The following C15orf40 variants were observed in gnomAD, a reference collection of about 807,000 sequenced individuals.
C15orf40 encodes chromosome 15 open reading frame 40.
Under a neutral mutation model 13.9 loss-of-function variants are expected in C15orf40, and 9 were observed. That is an observed-to-expected ratio of 0.65 (90% CI 0.39 to 1.13). The LOEUF (loss-of-function observed/expected upper bound fraction) is 1.13, where lower values mean the gene tolerates loss of function less well. C15orf40 is among the 50% of genes most tolerant of loss of function. C15orf40 has a pLI of 0.01. For synonymous variants in C15orf40, 95 were observed against 69.2 expected, an observed-to-expected ratio of 1.37 and a Z score of -1.85; for missense variants, 225 against 188.5, an observed-to-expected ratio of 1.19 and a Z score of -1.13.
At chr15:83,008,819 C>T in intron 2 of C15orf40, 144 bp from the exon 3 acceptor site, 1 of 922,356 alleles carries the variant, frequency 1.1e-6, no homozygotes, top group Non-Finnish European at 1.6e-6. Context: ...AATGATTAAA[C>T]TAATCACATT....
rs750646072 is a variant in C15orf40 at position 83,011,586 on chromosome 15, G to A, written c.22C>T (p.Leu8=). ...TTGGGTGTTGCCCGAAGGTGCCTCA[G>A]CCCGCTGCGGAGCCGCAGCATCCCC... is the stretch of plus-strand genomic sequence containing the variant. The part of the protein sequence containing the change: MLRLRSG[L]RHLRATPNTR... Residue 8 remains leucine (L), a synonymous_variant, in exon 1 of 4, where the codon CTG becomes TTG. Transcript: ENST00000304177. The A allele has an allele frequency of 2.5e-6, 4 of 1,592,898 alleles. No homozygotes were observed. The highest frequency in any genetic ancestry group is 3.4e-6 in the Non-Finnish European group (4 of 1,173,760).
chr15:83,005,781 C>G, intron 3 of C15orf40, 89 bp from the exon 4 acceptor site: 3 of 1,451,728 alleles, frequency 2.1e-6, no homozygotes, highest in South Asian at 2.8e-5. Flanking sequence ...AATGGGCTCT[C>G]CTGATGGCTT....
Position 83,004,609 on chromosome 15 carries a change from T to C in C15orf40, c.*988A>G. 1 of 900,238 alleles carries C rather than the reference T, an allele frequency of 1.1e-6. No individual in the cohort carries two copies. Among genetic ancestry groups the C allele is most frequent in the African/African-American group, 1.8e-5 (1 of 55,442 alleles). 55.8% of individuals were successfully genotyped at this position (900,238 alleles called of 1,614,324 possible). A position where few individuals can be genotyped will look rare whatever the true frequency, so the allele number is the denominator to read the frequency against. ...CTACTGAATTTGCTGATTATTTAAG[T>C]TATTAGAGGAAGATGAAAATTCAGT... On this transcript the variant is annotated 3_prime_UTR_variant, in exon 4 of 4. Transcript: ENST00000304177.
chr15:83,005,236 A>G lies in C15orf40; in HGVS notation c.*361T>C. On this transcript the variant is annotated 3_prime_UTR_variant, in exon 4 of 4. Transcript: ENST00000304177. ...CATGTAGTATATTTTTCTATTTAAC[A>G]GCCTCTTCACCATTAGCAATAAAAA... is the stretch of plus-strand genomic sequence containing the variant. 1 of 1,016,568 alleles carries G rather than the reference A, an allele frequency of 9.8e-7. No individual in the cohort carries two copies. The highest frequency in any genetic ancestry group is 1.2e-6 in the Non-Finnish European group (1 of 847,806). The allele number at this position is 1,016,568 out of a possible 1,614,324, so 63.0% of individuals were successfully genotyped here.
intron 3 of C15orf40, 47 bp downstream of exon 3, chr15:83,008,500 CA>C: frequency 1.3e-6 from 2 of 1,591,626 alleles, no homozygotes; most frequent in South Asian, 1.1e-5. Context: ...GCTTGGGCGA[CA>C]GAGCAAGATT....
At position 83,011,604 on chromosome 15, in the gene C15orf40, G is replaced by C. The variant is rs1269362463; in HGVS notation, c.4C>G (p.Leu2Val). 1.3e-6 allele frequency: 2 copies of C among 1,580,756 alleles called. No homozygotes were observed. The highest frequency in any genetic ancestry group is 1.7e-6 in the Non-Finnish European group (2 of 1,167,572). MLRLRSGLRHLR... is the reference protein window; with the variant it reads MVRLRSGLRHLR... ...TGCCTCAGCCCGCTGCGGAGCCGCAGCATCCCCGCCTGGGAAGGCGCCGGA... is the reference window on the plus strand; with the variant it reads ...TGCCTCAGCCCGCTGCGGAGCCGCACCATCCCCGCCTGGGAAGGCGCCGGA... Residue 2 changes from leucine (L) to valine (V), a missense_variant, in exon 1 of 4, where the codon CTG (leucine) becomes GTG (valine). Transcript: ENST00000304177.
chr15:83,011,318 C>A (rs995551161), intron 1 of C15orf40, 179 bp downstream of exon 1: 1 of 618,864 alleles, frequency 1.6e-6, no homozygotes. Flanking sequence ...CCTACTGAGG[C>A]GGGGCGACGG....
rs1037403 is a variant in C15orf40, at chr15:82,995,439, C to G, written c.*10158G>C. ...GTGGATAATACCCCTCAGATTTAAA[C>G]ATTTGCAGGATGAAACAGGAGGAGC... is the stretch of plus-strand genomic sequence containing the variant. On this transcript the variant is annotated 3_prime_UTR_variant, in exon 4 of 4. Coordinates refer to ENST00000304177, the MANE Select transcript of C15orf40 (RefSeq NM_144597.3). 89,779 of 152,216 alleles carry G rather than the reference C, an allele frequency of 0.59. 27,671 individuals carry two copies. The highest frequency in any genetic ancestry group is 0.76 in the African/African-American group (31,705 of 41,500). The allele number at this position is 152,216 out of a possible 1,614,324, so 9.4% of individuals were successfully genotyped here. A position where few individuals can be genotyped will look rare whatever the true frequency, so the allele number is the denominator to read the frequency against.
rs938894648 is a variant in C15orf40, at chr15:82,997,123, T to G, written c.*8474A>C. The G allele has an allele frequency of 6.7e-6, 1 of 150,352 alleles. No homozygotes were observed. The highest frequency in any genetic ancestry group is 1.5e-5 in the Non-Finnish European group (1 of 67,642). The allele number at this position is 150,352 out of a possible 1,614,324, so 9.3% of individuals were successfully genotyped here. ...ACTGTTCTCTATCTTGCCTTCTAAATTTCATACCGTTTTCAGCCTCTTCTC... is the reference window on the plus strand; with the variant it reads ...ACTGTTCTCTATCTTGCCTTCTAAAGTTCATACCGTTTTCAGCCTCTTCTC... On this transcript the variant is annotated 3_prime_UTR_variant, in exon 4 of 4. Transcript: ENST00000304177.
At position 82,999,771 on chromosome 15, in the gene C15orf40, G is replaced by A. The variant is rs1464854519; in HGVS notation, c.*5826C>T. On this transcript the variant is annotated 3_prime_UTR_variant, in exon 4 of 4. Coordinates refer to ENST00000304177, the MANE Select transcript of C15orf40 (RefSeq NM_144597.3). Reference sequence around the variant, plus strand: ...ATTAGTTTTCTGTAGAAATGACCAGGGAGTACGTAACTTGTGGCTGCAAAG... The same window carrying A: ...ATTAGTTTTCTGTAGAAATGACCAGAGAGTACGTAACTTGTGGCTGCAAAG... 1 of 152,064 alleles carries A rather than the reference G, an allele frequency of 6.6e-6. No homozygotes were observed. Among genetic ancestry groups the A allele is most frequent in the African/African-American group, 2.4e-5 (1 of 41,396 alleles). 9.4% of individuals were successfully genotyped at this position (152,064 alleles called of 1,614,324 possible).
intron 1 of C15orf40, chr15:83,011,253 G>C: frequency 1.2e-5 from 5 of 432,430 alleles, no homozygotes; most frequent in Non-Finnish European, 1.6e-5. Flanking sequence ...CCCAAGGAGA[G>C]CTCGGCTGCC....
intron 3 of C15orf40, among the ~76,000 whole-genome samples, chr15:83,006,683 G>GGCGGGGC (rs1224140102): frequency 2.0e-5 from 3 of 152,122 alleles, no homozygotes; most frequent in African/African-American, 4.8e-5. Context: ...ACCGGGGAGG[G>GGCGGGGC]GCGGGGCGCG....
intron 3 of C15orf40, among the ~76,000 whole-genome samples, chr15:83,006,120 A>G (rs1236584238): frequency 6.6e-6 from 1 of 151,850 alleles, no homozygotes; most frequent in Non-Finnish European, 1.5e-5. Flanking sequence ...AATCCCAGCT[A>G]CTCAGGAGAC....
At chr15:83,010,518 C>A in intron 1 of C15orf40, 155 bp from the exon 2 acceptor site, 1 of 779,252 alleles carries the variant, frequency 1.3e-6, no homozygotes, top group African/African-American at 1.7e-5. Context: ...TTTCCCACAA[C>A]CTTCAAGGCT....
In C15orf40 at chr15:82,995,208, T is replaced by C. The variant is rs1344067418; in HGVS notation, c.*10389A>G. 1 of 152,256 alleles carries C rather than the reference T, an allele frequency of 6.6e-6. No homozygotes were observed. The highest frequency in any genetic ancestry group is 1.5e-5 in the Non-Finnish European group (1 of 68,126). 9.4% of individuals were successfully genotyped at this position (152,256 alleles called of 1,614,324 possible). ...TAGAGATCCCTTGACTTGTGCACAT[T>C]CTGGGAGAGAGAGTGGCCCTGGGCC... is the stretch of plus-strand genomic sequence containing the variant. On this transcript the variant is annotated 3_prime_UTR_variant, in exon 4 of 4. Transcript: ENST00000304177.
chr15:83,004,498 G>A lies in C15orf40; in HGVS notation c.*1099C>T. The A allele has an allele frequency of 1.3e-6, 1 of 781,624 alleles. No individual in the cohort carries two copies. Among genetic ancestry groups the A allele is most frequent in the Non-Finnish European group, 1.6e-6 (1 of 644,160 alleles). The allele number at this position is 781,624 out of a possible 1,614,324, so 48.4% of individuals were successfully genotyped here. ...TAGCTTTTGAAACTTTAATATAGAT[G>A]TAATTTCTGACAAGCTTTTACAAAT... On this transcript the variant is annotated 3_prime_UTR_variant, in exon 4 of 4. Transcript: ENST00000304177.
downstream of C15orf40, chr15:82,990,872 T>C (rs2151271686): frequency 4.1e-6 from 2 of 482,138 alleles, no homozygotes; most frequent in Middle Eastern, 8.5e-4. Flanking sequence ...TGGTATTTAA[T>C]GTGGGCTGAT....
rs1195874834 is a variant in C15orf40 at position 83,003,751 on chromosome 15, TTTTC to T, written c.*1842_*1845del. 2.0e-5 allele frequency: 3 copies of T among 152,162 alleles called. No homozygotes were observed. Among genetic ancestry groups the T allele is most frequent in the Non-Finnish European group, 4.4e-5 (3 of 68,050 alleles). The allele number at this position is 152,162 out of a possible 1,614,324, so 9.4% of individuals were successfully genotyped here. On this transcript the variant is annotated 3_prime_UTR_variant, in exon 4 of 4. Coordinates refer to ENST00000304177, the MANE Select transcript of C15orf40 (RefSeq NM_144597.3). ...AGCTTCTCTTTCACTGTCTGGGATT[TTTTC>T]TTTCTTTTTGAGACGGAGTCTCACT...
At position 83,005,712 on chromosome 15, in the gene C15orf40, G is replaced by C; in HGVS notation, c.367-20C>G. 2 of 1,608,228 alleles carry C rather than the reference G, an allele frequency of 1.2e-6. No homozygotes were observed. Among genetic ancestry groups the C allele is most frequent in the South Asian group, 2.2e-5 (2 of 90,506 alleles). On this transcript the variant is annotated intron_variant, in intron 3 of 3. Transcript: ENST00000304177. The stretch of plus-strand genomic sequence containing the variant: ...ACCACCCTGGACCAAAAGAGAAAAA[G>C]CATACTTTACTGTTTAGCACATTCT...
Sources: allele counts gnomAD v4.1 joint callset (sites outside exome capture counted in the v4.1 genomes callset), GRCh38; gene constraint gnomAD v4.1.1; transcripts MANE v1.5; gene names NCBI Gene and HGNC (gene_info 2026-07-23, HGNC 2026-07-21).